LMNTD2: variants seen among roughly 807,000 people sequenced by gnomAD.
LMNTD2 encodes lamin tail domain containing 2, also known as lamin tail domain-containing protein 2.
LMNTD2 carries 83 observed loss-of-function variants against 70.1 expected under a neutral mutation model. The ratio of observed to expected loss-of-function variants is 1.18; its 90% CI spans 0.99 to 1.42. The LOEUF is 1.42. Among genes scored for constraint, LMNTD2 ranks in the 40% most tolerant of loss-of-function variants. LMNTD2 has a pLI of 0.00. For synonymous variants in LMNTD2, 534 were observed against 406.1 expected, an observed-to-expected ratio of 1.31 and a Z score of -3.79; for missense variants, 1,153 against 905.9, an observed-to-expected ratio of 1.27 and a Z score of -3.50.
In LMNTD2 at chr11:555,436, G is replaced by C; in HGVS notation, c.1642C>G (p.Pro548Ala). The C allele has an allele frequency of 7.2e-7, 1 of 1,386,990 alleles. No homozygotes were observed. Among genetic ancestry groups the C allele is most frequent in the South Asian group, 1.7e-5 (1 of 59,360 alleles). 85.9% of individuals were successfully genotyped at this position (1,386,990 alleles called of 1,614,324 possible). Residue 548 changes from proline (P) to alanine (A), a missense_variant, in exon 13 of 14, where the codon CCC becomes GCC. Coordinates refer to ENST00000329451, the MANE Select transcript of LMNTD2 (RefSeq NM_173573.3). ...LFHAREGPAR[P>A]ENPEIPAPQH... ...GGCGCGGGGATCTCGGGGTTCTCGG[G>C]CCGCGCAGGCCCCTCCCGCGCGTGG...
At chr11:558,460 T>C (rs1853047231) in intron 3 of LMNTD2, 154 bp downstream of exon 3, 6 of 1,114,624 alleles carry the variant, frequency 5.4e-6, no homozygotes, top group Admixed American at 2.7e-5. Flanking sequence ...GTGGAGGCTA[T>C]AGCGTGTTAA....
At chr11:556,813 G>A in intron 8 of LMNTD2, 22 bp downstream of exon 8, 1 of 1,537,312 alleles carries the variant, frequency 6.5e-7, no homozygotes. Flanking sequence ...AGGGTAACCA[G>A]GGGAGACCCG....
Position 557,467 on chromosome 11 carries a change from C to T in LMNTD2, c.645G>A (p.Val215=). The T allele has an allele frequency of 6.2e-7, 1 of 1,611,004 alleles. No homozygotes were observed. Among genetic ancestry groups the T allele is most frequent in the Non-Finnish European group, 8.5e-7 (1 of 1,178,772 alleles). Residue 215 remains valine (V), a synonymous_variant, in exon 7 of 14, where the codon GTG becomes GTA. Coordinates refer to ENST00000329451, the MANE Select transcript of LMNTD2 (RefSeq NM_173573.3). ...ACCGGCGGGCAACGCTGTTCCAATC[C>T]ACGTCCTCCAGCCGAAAGCCCTGGC... is the stretch of plus-strand genomic sequence containing the variant. ...PTGEGFRLED[V]DWNSVARRYP... is the part of the protein sequence containing the mutation.
At position 559,122 on chromosome 11, in the gene LMNTD2, C is replaced by T; in HGVS notation, c.35-143G>A. The stretch of plus-strand genomic sequence containing the variant: ...CCTCGTGTGGCCACACAGGTTGGAG[C>T]AGCCCAGGCGTCACCACTTACTCAC... On this transcript the variant is annotated intron_variant, in intron 1 of 13. Transcript: ENST00000329451. The T allele has an allele frequency of 1.3e-5, 20 of 1,488,192 alleles. No homozygotes were observed. In the South Asian group the frequency reaches 2.2e-4, roughly 17 times the overall value. The allele number at this position is 1,488,192 out of a possible 1,614,324, so 92.2% of individuals were successfully genotyped here.
In LMNTD2 at chr11:557,525, C is replaced by A. The variant is rs759835653; in HGVS notation, c.625-38G>T. 6 of 1,613,256 alleles carry A rather than the reference C, an allele frequency of 3.7e-6. No homozygotes were observed. In the African/African-American group the frequency reaches 8.0e-5, roughly 22 times the overall value. On this transcript the variant is annotated intron_variant, in intron 6 of 13. Transcript: ENST00000329451. ...CAAGAGGCACATGGTCCTCCCCTCC[C>A]GCAGGGCTCCAGATACCAGACCACA...
At chr11:556,783 AG>A in intron 8 of LMNTD2, 51 bp downstream of exon 8, 2 of 1,449,386 alleles carry the variant, frequency 1.4e-6, no homozygotes, top group Non-Finnish European at 9.2e-7. Flanking sequence ...CACAGCTCTG[AG>A]GGGGTGGAGG....
Position 559,152 on chromosome 11 carries a change from CGTTGCTCTCTG to C in LMNTD2, c.35-184_35-174del. The C allele has an allele frequency of 4.1e-6, 6 of 1,464,496 alleles. No homozygotes were observed. The South Asian group carries it at 8.2e-5, about 20-fold the overall frequency. 90.7% of individuals were successfully genotyped at this position (1,464,496 alleles called of 1,614,324 possible). A position where few individuals can be genotyped will look rare whatever the true frequency, so the allele number is the denominator to read the frequency against. On this transcript the variant is annotated intron_variant, in intron 1 of 13. Transcript: ENST00000329451. ...CAGGCGTCACCACTTACTCACAGAGCGTTGCTCTCTGAAGGGACCCACATGTGGGTGTCCAC... is the reference window on the plus strand; with the variant it reads ...CAGGCGTCACCACTTACTCACAGAGCAAGGGACCCACATGTGGGTGTCCAC...
chr11:559,401 T>A, intron 1 of LMNTD2: 2 of 1,312,796 alleles, frequency 1.5e-6, no homozygotes, highest in Non-Finnish European at 2.0e-6. Context: ...ACCGTTGCCA[T>A]GGATACCAGC....
chr11:558,745 G>A lies in LMNTD2; in HGVS notation c.180C>T (p.Asp60=), dbSNP rs1320484707. ...ADPQLALESL[D]PRTLRLLWRQ... Reference sequence around the variant, plus strand: ...TCCACAGCAGCCGCAGTGTGCGAGGGTCCAGGGACTCAAGAGCCAACCTGC... The same window carrying A: ...TCCACAGCAGCCGCAGTGTGCGAGGATCCAGGGACTCAAGAGCCAACCTGC... The change falls in exon 3 of 14, where the codon GAC becomes GAT. Residue 60 remains aspartate (D), a synonymous_variant. Transcript: ENST00000329451. 3 of 1,607,390 alleles carry A rather than the reference G, an allele frequency of 1.9e-6. No individual in the cohort carries two copies. The South Asian group carries it at 3.3e-5, about 18-fold the overall frequency.
At position 556,107 on chromosome 11, in the gene LMNTD2, G is replaced by T. The variant is rs370908143; in HGVS notation, c.1266C>A (p.Gly422=). ...GCTTCTTGGCGCTGCGGGTCGCCTCGCCCCAGACCTGGAGGGGCGTGGAGC... is the reference window on the plus strand; with the variant it reads ...GCTTCTTGGCGCTGCGGGTCGCCTCTCCCCAGACCTGGAGGGGCGTGGAGC... The part of the protein sequence containing the change: ...LAPRHHVTVW[G]EATRSAKKPL... Residue 422 remains glycine (G), a synonymous_variant, in exon 11 of 14, where the codon GGC becomes GGA. Transcript: ENST00000329451. 6.8e-5 allele frequency: 102 copies of T among 1,497,752 alleles called. No homozygotes were observed. The highest frequency in any genetic ancestry group is 8.7e-5 in the Non-Finnish European group (98 of 1,132,938). 92.8% of individuals were successfully genotyped at this position (1,497,752 alleles called of 1,614,324 possible).
chr11:555,839 A>T lies in LMNTD2; in HGVS notation c.1469T>A (p.Leu490His). The T allele has an allele frequency of 2.6e-6, 4 of 1,550,822 alleles. No homozygotes were observed. Among genetic ancestry groups the T allele is most frequent in the Non-Finnish European group, 3.5e-6 (4 of 1,156,340 alleles). The change falls in exon 12 of 14, where the codon CTC (leucine) becomes CAC (histidine). Residue 490 changes from leucine to histidine, a missense_variant. Transcript: ENST00000329451. The stretch of plus-strand genomic sequence containing the variant: ...GTCGGCGCCGGGCCCGGCCTCAGGG[A>T]GCGGGAAGCGGTCGATGGACAAGTC... ...GTDLSIDRFP[L>H]PEAGPGADTR...
intron 8 of LMNTD2, 81 bp downstream of exon 8, chr11:556,754 C>G (rs756653933): frequency 1.1e-5 from 16 of 1,456,678 alleles, no homozygotes; most frequent in Non-Finnish European, 1.5e-5. Context: ...AGGGCCACCT[C>G]CAGGGCTCTG....
At chr11:555,164 G>GAGGGGAGCGGCGAGGAGGGA (rs1852729114) in intron 13 of LMNTD2, 53 bp from the exon 14 acceptor site, 1 of 593,024 alleles carries the variant, frequency 1.7e-6, no homozygotes, top group Non-Finnish European at 2.5e-6. Flanking sequence ...GACGGGAGGG[G>GAGGGGAGCGGCGAGGAGGGA]AGGGGAGGGG....
chr11:558,787 G>A, intron 2 of LMNTD2, 21 bp from the exon 3 acceptor site: 1 of 1,601,138 alleles, frequency 6.2e-7, no homozygotes, highest in East Asian at 2.2e-5. Context: ...AGCAGACCCT[G>A]CTGCTTACTC....
At chr11:559,005 C>T (rs1290190794) in intron 1 of LMNTD2, 26 bp from the exon 2 acceptor site, 2 of 1,594,302 alleles carry the variant, frequency 1.3e-6, no homozygotes, top group Non-Finnish European at 1.7e-6. Context: ...GAGCCTCTTC[C>T]TCGGTTTCTT....
In LMNTD2 at chr11:555,058, C is replaced by T. The variant is rs1249695014; in HGVS notation, c.1827G>A (p.Gln609=). 6.3e-7 allele frequency: 1 copy of T among 1,586,838 alleles called. No individual in the cohort carries two copies. Among genetic ancestry groups the T allele is most frequent in the Non-Finnish European group, 8.5e-7 (1 of 1,170,004 alleles). The change falls in exon 14 of 14, where the codon CAG becomes CAA. Residue 609 remains glutamine, a synonymous_variant. Coordinates refer to ENST00000329451, the MANE Select transcript of LMNTD2 (RefSeq NM_173573.3). ...AGCCGAATCTGCTCTCCGCCGTGTTCTGCACCGACAGGGCCACCAGGGGGC... is the reference window on the plus strand; with the variant it reads ...AGCCGAATCTGCTCTCCGCCGTGTTTTGCACCGACAGGGCCACCAGGGGGC... The part of the protein sequence containing the change: ...RSCPLVALSV[Q]NTAESRFGFR...
At chr11:557,779 G>A (rs1852992853) in intron 5 of LMNTD2, 105 bp downstream of exon 5, 10 of 1,537,108 alleles carry the variant, frequency 6.5e-6, no homozygotes, top group Non-Finnish European at 8.8e-6. Flanking sequence ...ACCTGAGCAG[G>A]GCAGGCTTCC....
Position 557,281 on chromosome 11 carries a change from G to A in LMNTD2, c.713+118C>T, listed in dbSNP as rs1017837563. 20 of 1,387,412 alleles carry A rather than the reference G, an allele frequency of 1.4e-5. No homozygotes were observed. In the African/African-American group the frequency reaches 2.6e-4, roughly 18 times the overall value. The allele number at this position is 1,387,412 out of a possible 1,614,324, so 85.9% of individuals were successfully genotyped here. On this transcript the variant is annotated intron_variant, in intron 7 of 13. Coordinates refer to ENST00000329451, the MANE Select transcript of LMNTD2 (RefSeq NM_173573.3). Reference sequence around the variant, plus strand: ...TTCTACAGATCAGAGAACGCGCATTGGAAGGTTTAAGAGACTTATCCAGGG... The same window carrying A: ...TTCTACAGATCAGAGAACGCGCATTAGAAGGTTTAAGAGACTTATCCAGGG...
chr11:560,425 C>G (rs558436348), intron 1 of LMNTD2: 2 of 1,236,844 alleles, frequency 1.6e-6, no homozygotes, highest in Non-Finnish European at 2.0e-6. Context: ...GACTCTGCGC[C>G]CGCCAGCTCC....
Sources: allele counts gnomAD v4.1 joint callset, GRCh38; gene constraint gnomAD v4.1.1; transcripts MANE v1.5; gene names NCBI Gene and HGNC (gene_info 2026-07-23, HGNC 2026-07-21).